The following PCDHGA6 variants were observed in gnomAD, a reference collection of about 807,000 sequenced individuals.
PCDHGA6 encodes protocadherin gamma subfamily A, 6.
Under a neutral mutation model 60.6 loss-of-function variants are expected in PCDHGA6, and 41 were observed. The ratio of observed to expected loss-of-function variants is 0.68; its 90% CI spans 0.53 to 0.88. PCDHGA6 has a LOEUF of 0.88. Ranked by LOEUF, PCDHGA6 falls within the 40% of genes least tolerant of loss-of-function variation. The pLI, the probability that PCDHGA6 is intolerant of heterozygous loss-of-function variation, is 0.00. For missense variants in PCDHGA6, 1,312 were observed against 1,203.0 expected (o/e 1.09, Z -1.34); for synonymous variants, 594 against 524.4 (o/e 1.13, Z -1.81).
intron 1 of PCDHGA6, among the ~76,000 whole-genome samples, chr5:141,380,195 C>T (rs1248752838): frequency 6.6e-5 from 10 of 152,092 alleles, no homozygotes; most frequent in African/African-American, 2.4e-4. Flanking sequence ...CCACTGAGCC[C>T]GGCCTGAAAG....
chr5:141,435,718 G>T (rs2097776232), intron 1 of PCDHGA6, among the ~76,000 whole-genome samples: 1 of 152,150 alleles, frequency 6.6e-6, no homozygotes, highest in African/African-American at 2.4e-5. Context: ...GACACTGAAT[G>T]CTAAAGTGTA....
chr5:141,486,637 G>T lies in PCDHGA6; in HGVS notation c.2425-8170G>T. On this transcript the variant is annotated intron_variant, in intron 1 of 3. Coordinates refer to ENST00000517434, the MANE Select transcript of PCDHGA6 (RefSeq NM_018919.3). This position sits in a 1 kb window ranked among gnomAD's most constrained non-coding sequence, Gnocchi z 5.0. ...CTGACCCAGACTCTGGCTTGAATGCGCTTATCTCCTACTCACTCCTGGAGC... is the reference window on the plus strand; with the variant it reads ...CTGACCCAGACTCTGGCTTGAATGCTCTTATCTCCTACTCACTCCTGGAGC... 6.2e-7 allele frequency: 1 copy of T among 1,613,638 alleles called. No homozygotes were observed. The highest frequency in any genetic ancestry group is 8.5e-7 in the Non-Finnish European group (1 of 1,180,034).
intron 1 of PCDHGA6, among the ~76,000 whole-genome samples, chr5:141,475,171 C>A (rs545499118): frequency 6.6e-6 from 1 of 152,164 alleles, no homozygotes; most frequent in African/African-American, 2.4e-5. Context: ...AGCAGTGCAA[C>A]TTCTTGTGGC....
At chr5:141,422,465 G>A in intron 1 of PCDHGA6, 1 of 1,613,508 alleles carries the variant, frequency 6.2e-7, no homozygotes, top group Non-Finnish European at 8.5e-7. Flanking sequence ...GTGCTGGACA[G>A]GGAGTTGGTC....
At chr5:141,508,483 G>T (rs1186425031) in intron 3 of PCDHGA6, among the ~76,000 whole-genome samples, 2 of 152,154 alleles carry the variant, frequency 1.3e-5, no homozygotes, top group East Asian at 3.9e-4. Context: ...TTACATTCTG[G>T]ATTTCCATAT....
chr5:141,492,894 G>A (rs2099744893), intron 1 of PCDHGA6, among the ~76,000 whole-genome samples: 1 of 152,202 alleles, frequency 6.6e-6, no homozygotes, highest in Admixed American at 6.5e-5. Flanking sequence ...GGCTTTTGGC[G>A]CCGTCGTGAT....
intron 1 of PCDHGA6, among the ~76,000 whole-genome samples, chr5:141,460,536 G>A (rs911670681): frequency 2.0e-5 from 3 of 152,092 alleles, no homozygotes; most frequent in African/African-American, 7.2e-5. Flanking sequence ...AATAATCTTA[G>A]CACCTTAATC....
chr5:141,511,117 G>A lies in PCDHGA6; in HGVS notation c.2743G>A (p.Ala915Thr). Residue 915 changes from alanine to threonine, a missense_variant, in exon 4 of 4, where the codon GCC becomes ACC. Physicochemically the swap from Ala to Thr is moderately conservative, Grantham distance 58. Coordinates refer to ENST00000517434, the MANE Select transcript of PCDHGA6 (RefSeq NM_018919.3). ...TNAAGKRDGK[A>T]PAGGNGNKKK... ...CGCAGCTGGCAAGCGGGATGGCAAG[G>A]CCCCAGCAGGTGGCAATGGCAACAA... 6.2e-7 allele frequency: 1 copy of A among 1,614,216 alleles called. No homozygotes were observed. Among genetic ancestry groups the A allele is most frequent in the Non-Finnish European group, 8.5e-7 (1 of 1,180,026 alleles).
rs17097251 is a variant in PCDHGA6 at position 141,383,615 on chromosome 5, C to T, written c.2424+7108C>T. On this transcript the variant is annotated intron_variant, in intron 1 of 3. Coordinates refer to ENST00000517434, the MANE Select transcript of PCDHGA6 (RefSeq NM_018919.3). ...ACAGTGGTGGATGTGAATGACCACA[C>T]GCCTGTCTTCTCTCTGCCTCAGTAC... 8,353 of 1,613,802 alleles carry T rather than the reference C, an allele frequency of 5.2e-3. 355 individuals are homozygous for T. The African/African-American group carries it at 0.098, about 19-fold the overall frequency.
At chr5:141,423,029 A>C (rs1049470142) in intron 1 of PCDHGA6, 1 of 1,614,218 alleles carries the variant, frequency 6.2e-7, no homozygotes, top group Non-Finnish European at 8.5e-7. Context: ...GATTCAGGCC[A>C]GAACGCCTGG....
At chr5:141,423,150 G>T in intron 1 of PCDHGA6, 1 of 1,613,538 alleles carries the variant, frequency 6.2e-7, no homozygotes, top group Non-Finnish European at 8.5e-7. Flanking sequence ...CGCTCAAGCA[G>T]AGCCTCGTGG....
chr5:141,419,259 C>G, intron 1 of PCDHGA6: 4 of 1,614,016 alleles, frequency 2.5e-6, no homozygotes, highest in Non-Finnish European at 2.5e-6. Context: ...AACAACCAGC[C>G]GGGTGCCTCC....
At chr5:141,389,755 T>C in intron 1 of PCDHGA6, 1 of 1,612,872 alleles carries the variant, frequency 6.2e-7, no homozygotes, top group African/African-American at 1.3e-5. Context: ...ACGGGCGAAG[T>C]GCGCACAGCG....
chr5:141,402,369 A>C (rs1281295306), intron 1 of PCDHGA6, among the ~76,000 whole-genome samples: 1 of 152,066 alleles, frequency 6.6e-6, no homozygotes, highest in Non-Finnish European at 1.5e-5. Context: ...ACTTCCAAAC[A>C]AGATTGCACA....
chr5:141,451,523 A>G (rs1035983001), intron 1 of PCDHGA6, among the ~76,000 whole-genome samples: 1 of 152,200 alleles, frequency 6.6e-6, no homozygotes, highest in African/African-American at 2.4e-5. Flanking sequence ...AGAGCAAGTA[A>G]AGGAGAGTGC....
At chr5:141,453,206 T>G (rs914064627) in intron 1 of PCDHGA6, among the ~76,000 whole-genome samples, 8 of 152,102 alleles carry the variant, frequency 5.3e-5, no homozygotes, top group African/African-American at 1.9e-4. Context: ...CTCAACCTCG[T>G]GCACTTAAGC....
In PCDHGA6 at chr5:141,431,221, A is replaced by T; in HGVS notation, c.2424+54714A>T. 6.2e-7 allele frequency: 1 copy of T among 1,614,124 alleles called. No homozygotes were observed. The highest frequency in any genetic ancestry group is 8.5e-7 in the Non-Finnish European group (1 of 1,180,026). On this transcript the variant is annotated intron_variant, in intron 1 of 3. Transcript: ENST00000517434. The surrounding 1 kb of genome is among the most constrained non-coding windows in gnomAD (Gnocchi z 4.8). Reference sequence around the variant, plus strand: ...CAGCCACTGAGATGCGGTTCCCTCTACCCCACGCCTGGGATCCGGATATCG... The same window carrying T: ...CAGCCACTGAGATGCGGTTCCCTCTTCCCCACGCCTGGGATCCGGATATCG...
rs556183945 is a variant in PCDHGA6 at position 141,404,478 on chromosome 5, C to G, written c.2424+27971C>G. On this transcript the variant is annotated intron_variant, in intron 1 of 3. Coordinates refer to ENST00000517434, the MANE Select transcript of PCDHGA6 (RefSeq NM_018919.3). ...CTCTCCACCTATGTCTCTATTAACT[C>G]AGACACTGGTGTGCTGTATGCTCTG... 36 of 1,613,412 alleles carry G rather than the reference C, an allele frequency of 2.2e-5. No homozygotes were observed. In the South Asian group the frequency reaches 3.6e-4, roughly 16 times the overall value.
chr5:141,444,240 C>T (rs1017550385), intron 1 of PCDHGA6, among the ~76,000 whole-genome samples: 4 of 128,690 alleles, frequency 3.1e-5, no homozygotes, highest in African/African-American at 5.9e-5. Context: ...GGCATGCTCT[C>T]GGCTCACTGC....
Sources: allele counts gnomAD v4.1 joint callset (sites outside exome capture counted in the v4.1 genomes callset), GRCh38; gene constraint gnomAD v4.1.1; non-coding constraint Gnocchi (gnomAD v3.1); transcripts MANE v1.5; gene names NCBI Gene and HGNC (gene_info 2026-07-23, HGNC 2026-07-21).